The following LSAMP variants were observed in gnomAD, a reference collection of about 807,000 sequenced individuals.
LSAMP encodes the protein limbic system-associated membrane protein.
In LSAMP, 7 loss-of-function variants were observed where a neutral mutation model predicts 38.6. The ratio of observed to expected loss-of-function variants is 0.18; its 90% CI spans 0.10 to 0.34. The LOEUF (loss-of-function observed/expected upper bound fraction) is 0.34. Ranked by LOEUF, LSAMP falls within the 10% of genes least tolerant of loss-of-function variation. The pLI is 1.00. For synonymous variants in LSAMP, 154 were observed against 166.8 expected (o/e 0.92, Z 0.59); for missense variants, 313 against 420.0 (o/e 0.75, Z 2.23).
intron 1 of LSAMP, among the ~76,000 whole-genome samples, chr3:116,284,238 A>AAGTC (rs370322156): frequency 3.9e-5 from 6 of 152,134 alleles, no homozygotes; most frequent in African/African-American, 1.4e-4. Flanking sequence ...GCTTACCTGT[A>AAGTC]AGTCATGTTC....
At chr3:116,216,568 A>G (rs2046222792) in intron 1 of LSAMP, among the ~76,000 whole-genome samples, 2 of 152,196 alleles carry the variant, frequency 1.3e-5, no homozygotes, top group African/African-American at 4.8e-5. Context: ...GAGAAAAAAA[A>G]AAAGATTTTT....
intron 1 of LSAMP, among the ~76,000 whole-genome samples, chr3:116,110,890 G>C (rs544949450): frequency 1.2e-4 from 18 of 152,208 alleles, no homozygotes; most frequent in Middle Eastern, 3.4e-3. Flanking sequence ...GGGCTGAGTC[G>C]GAAAAGAGTC....
At chr3:116,064,093 C>T (rs927360978) in intron 2 of LSAMP, among the ~76,000 whole-genome samples, 3 of 152,186 alleles carry the variant, frequency 2.0e-5, no homozygotes, top group Non-Finnish European at 4.4e-5. Flanking sequence ...TTTACTAGAG[C>T]AAATCTTATT....
At chr3:116,091,490 C>T (rs1472412645) in intron 1 of LSAMP, among the ~76,000 whole-genome samples, 3 of 152,102 alleles carry the variant, frequency 2.0e-5, no homozygotes, top group South Asian at 2.1e-4. Context: ...ATGAACTCTT[C>T]GCAATTTATG....
chr3:116,379,417 G>C (rs958103230), intron 1 of LSAMP, among the ~76,000 whole-genome samples: 7 of 151,968 alleles, frequency 4.6e-5, no homozygotes, highest in Non-Finnish European at 1.0e-4. Context: ...GACATGGAGA[G>C]TAGAGTATAT....
At chr3:115,881,421 TA>T (rs1233178850) in intron 3 of LSAMP, among the ~76,000 whole-genome samples, 1 of 152,144 alleles carries the variant, frequency 6.6e-6, no homozygotes, top group Non-Finnish European at 1.5e-5. Context: ...CTTTTGTGAG[TA>T]TTATAGAGTC....
chr3:116,071,333 G>A (rs927524212), intron 2 of LSAMP, among the ~76,000 whole-genome samples: 1 of 147,228 alleles, frequency 6.8e-6, no homozygotes, highest in Non-Finnish European at 1.5e-5. Flanking sequence ...ATAATCATGA[G>A]GGTTTTTTTT....
At chr3:116,369,742 C>T (rs750537465) in intron 1 of LSAMP, 1 of 152,400 alleles carries the variant, frequency 6.6e-6, no homozygotes, top group Non-Finnish European at 1.5e-5. Context: ...AATAACCATA[C>T]ATGGAGCTAA....
At chr3:116,094,996 TAAAAAG>T (rs970456606) in intron 1 of LSAMP, among the ~76,000 whole-genome samples, 4 of 152,068 alleles carry the variant, frequency 2.6e-5, no homozygotes, top group African/African-American at 9.7e-5. Context: ...GGATAGTAGA[TAAAAAG>T]AAAACAGTCA....
chr3:116,153,000 T>C (rs1289530569), intron 1 of LSAMP, among the ~76,000 whole-genome samples: 3 of 152,058 alleles, frequency 2.0e-5, no homozygotes, highest in Non-Finnish European at 4.4e-5. Context: ...GAGATTAGAA[T>C]TGAGGTGTCA....
chr3:116,217,196 G>C (rs552706047), intron 1 of LSAMP, among the ~76,000 whole-genome samples: 18 of 152,200 alleles, frequency 1.2e-4, no homozygotes, highest in African/African-American at 4.1e-4. Context: ...GCAGGTAATT[G>C]AGCCAAAACA....
At chr3:116,396,435 C>T (rs1415919430) in intron 1 of LSAMP, among the ~76,000 whole-genome samples, 3 of 152,162 alleles carry the variant, frequency 2.0e-5, no homozygotes, top group South Asian at 2.1e-4. Context: ...AGGACCTTCC[C>T]CTGGATATCT....
At chr3:116,264,437 C>T (rs1033094934) in intron 1 of LSAMP, among the ~76,000 whole-genome samples, 1 of 152,142 alleles carries the variant, frequency 6.6e-6, no homozygotes, top group Admixed American at 6.5e-5. Flanking sequence ...TTCAGCACAG[C>T]CTCATCAATT....
intron 1 of LSAMP, among the ~76,000 whole-genome samples, chr3:116,200,061 C>G (rs962646464): frequency 6.7e-6 from 1 of 149,514 alleles, no homozygotes; most frequent in Non-Finnish European, 1.5e-5. Flanking sequence ...GAGAAAGGTA[C>G]CTTACAGTTT....
chr3:116,032,730 G>A lies in LSAMP; in HGVS notation c.389-13090C>T, dbSNP rs1940955936. Among the ~76,000 whole-genome samples, 3 of 152,100 alleles carry A rather than the reference G, an allele frequency of 2.0e-5. No individual in the cohort carries two copies. The South Asian group carries it at 6.2e-4, about 32-fold the overall frequency. On this transcript the variant is annotated intron_variant, in intron 2 of 6. Transcript: ENST00000490035. Reference sequence around the variant, plus strand: ...AGGTGGGAAGATTGCTTGAGCCAGGGAGATGGAGGCTGCAGTGAGCTATGA... The same window carrying A: ...AGGTGGGAAGATTGCTTGAGCCAGGAAGATGGAGGCTGCAGTGAGCTATGA...
intron 1 of LSAMP, among the ~76,000 whole-genome samples, chr3:116,141,411 T>C (rs1250284609): frequency 1.9e-5 from 2 of 105,018 alleles, no homozygotes; most frequent in Non-Finnish European, 4.5e-5. Flanking sequence ...AATGTAATTA[T>C]ACCTAGAAAA....
intron 1 of LSAMP, among the ~76,000 whole-genome samples, chr3:116,269,094 C>T (rs571351256): frequency 2.0e-5 from 3 of 152,098 alleles, no homozygotes; most frequent in African/African-American, 7.2e-5. Flanking sequence ...TCATCATCAC[C>T]TCTGTTCATC....
rs146440987 is a variant in LSAMP, at chr3:115,963,836, C to T, written c.514+55679G>A. Among the ~76,000 whole-genome samples, 8 of 152,240 alleles carry T rather than the reference C, an allele frequency of 5.3e-5. No individual in the cohort carries two copies. In the East Asian group the frequency reaches 1.5e-3, roughly 29 times the overall value. On this transcript the variant is annotated intron_variant, in intron 3 of 6. Coordinates refer to ENST00000490035, the MANE Select transcript of LSAMP (RefSeq NM_002338.5). Reference sequence around the variant, plus strand: ...TGGCACAATCACAGCTCACTGCAGCCTTGCCCTCTTGGGCTCAAGCAGTCC... The same window carrying T: ...TGGCACAATCACAGCTCACTGCAGCTTTGCCCTCTTGGGCTCAAGCAGTCC...
intron 2 of LSAMP, among the ~76,000 whole-genome samples, chr3:116,075,978 TC>T (rs200832349): frequency 0.011 from 1,626 of 152,324 alleles, 23 homozygotes; most frequent in African/African-American, 0.035. Context: ...CTAGTCTTTT[TC>T]TTTACTTTTT....
Sources: allele counts gnomAD v4.1 joint callset (sites outside exome capture counted in the v4.1 genomes callset), GRCh38; gene constraint gnomAD v4.1.1; transcripts MANE v1.5; gene names NCBI Gene and HGNC (gene_info 2026-07-23, HGNC 2026-07-21).